The following BORCS7 variants were observed in gnomAD, a reference collection of about 807,000 sequenced individuals.
The protein encoded by BORCS7 is BLOC-1-related complex subunit 7.
Under a neutral mutation model 17.5 loss-of-function variants are expected in BORCS7, and 20 were observed. That is an observed-to-expected ratio of 1.14 (90% CI 0.80 to 1.66). The LOEUF is 1.66. Among genes scored for constraint, BORCS7 ranks in the 40% most tolerant of loss-of-function variants. The probability of loss-of-function intolerance (pLI) is 0.00; values close to 1 mark genes in which losing one functional copy is unlikely to be tolerated. For missense variants in BORCS7, 122 were observed against 129.7 expected (o/e 0.94, Z 0.29); for synonymous variants, 57 against 49.8 (o/e 1.14, Z -0.61).
chr10:102,857,436 G>C (rs1231539120), intron 1 of BORCS7, among the ~76,000 whole-genome samples: 1 of 152,108 alleles, frequency 6.6e-6, no homozygotes, highest in African/African-American at 2.4e-5. Context: ...ACCCTTAAAA[G>C]TAGCCACAGG....
chr10:102,861,111 C>A (rs947758652), intron 3 of BORCS7, among the ~76,000 whole-genome samples: 1 of 152,054 alleles, frequency 6.6e-6, no homozygotes, highest in Non-Finnish European at 1.5e-5. Context: ...TACTTATGTA[C>A]CTCTTAGAAA....
chr10:102,855,747 T>G (rs1844416427), intron 1 of BORCS7, among the ~76,000 whole-genome samples: 1 of 152,110 alleles, frequency 6.6e-6, no homozygotes, highest in Non-Finnish European at 1.5e-5. Context: ...AAAGGGTTAA[T>G]CTTTGTTTGT....
chr10:102,864,832 CGTCTAAGTTG>C lies in BORCS7; in HGVS notation c.*1909_*1918del, dbSNP rs1045781900. The C allele has an allele frequency of 6.6e-6, 1 of 151,834 alleles. No individual in the cohort carries two copies. The highest frequency in any genetic ancestry group is 1.5e-5 in the Non-Finnish European group (1 of 67,948). The allele number at this position is 151,834 out of a possible 1,614,324, so 9.4% of individuals were successfully genotyped here. ...ATGGAAAAAATACTTCACTAAATAA[CGTCTAAGTTG>C]TAGAGGTTGTGCCGGAAGATAATAT... On this transcript the variant is annotated 3_prime_UTR_variant, in exon 5 of 5. Transcript: ENST00000339834.
intron 1 of BORCS7, among the ~76,000 whole-genome samples, chr10:102,856,811 C>G (rs1844434293): frequency 6.6e-6 from 1 of 152,222 alleles, no homozygotes; most frequent in African/African-American, 2.4e-5. Context: ...AAAGCCTTGG[C>G]TTTACATTAC....
rs945217993 is a variant in BORCS7 at position 102,855,159 on chromosome 10, CT to C, written c.141+750del. 7.8e-3 allele frequency among the ~76,000 whole-genome samples: 1,019 copies of C among 130,740 alleles called. 8 individuals are homozygous for C. Among genetic ancestry groups the C allele is most frequent in the Middle Eastern group, 0.02 (5 of 250 alleles). 85.8% of individuals were successfully genotyped at this position (130,740 alleles called of 152,430 possible). On this transcript the variant is annotated intron_variant, in intron 1 of 4. Coordinates refer to ENST00000339834, the MANE Select transcript of BORCS7 (RefSeq NM_001136200.2). ...TGACTAATTGAAGGAAGTACTTTTCCTTTTTTTTTTTTTTTTTTGAGACGGA... is the reference window on the plus strand; with the variant it reads ...TGACTAATTGAAGGAAGTACTTTTCCTTTTTTTTTTTTTTTTTGAGACGGA...
rs557059362 is a variant in BORCS7, at chr10:102,858,849, G to A, written c.142-1483G>A. Among the ~76,000 whole-genome samples, 56 of 152,094 alleles carry A rather than the reference G, an allele frequency of 3.7e-4. 1 individual carries two copies. The South Asian group carries it at 0.01, about 28-fold the overall frequency. On this transcript the variant is annotated intron_variant, in intron 1 of 4. Transcript: ENST00000339834. ...GCAATCCTAGTTACTTTGAAGTCAC[G>A]CTACCCTTTTCACTAGAGTCTCCCT...
rs754589611 is a variant in BORCS7, at chr10:102,862,964, G to A, written c.*40G>A. ...GTGCTGTAGGACTCCTTTGCCTAAT[G>A]CTGAGGAGTAAATACCTTACACAGC... On this transcript the variant is annotated 3_prime_UTR_variant, in exon 5 of 5. Coordinates refer to ENST00000339834, the MANE Select transcript of BORCS7 (RefSeq NM_001136200.2). 3.3e-6 allele frequency: 5 copies of A among 1,505,138 alleles called. No homozygotes were observed. Among genetic ancestry groups the A allele is most frequent in the Admixed American group, 1.7e-5 (1 of 59,824 alleles). The allele number at this position is 1,505,138 out of a possible 1,614,324, so 93.2% of individuals were successfully genotyped here.
At chr10:102,854,486 C>G (rs1231314849) in intron 1 of BORCS7, 59 bp downstream of exon 1, 1 of 1,499,484 alleles carries the variant, frequency 6.7e-7, no homozygotes, top group Non-Finnish European at 9.0e-7. Context: ...TCTTTCGTTG[C>G]TGTGGGAAGG....
intron 1 of BORCS7, among the ~76,000 whole-genome samples, chr10:102,855,429 T>G (rs2134095131): frequency 6.6e-6 from 1 of 152,284 alleles, no homozygotes; most frequent in South Asian, 2.1e-4. Flanking sequence ...GTGCTGGGAT[T>G]ACAGGCGTGA....
intron 1 of BORCS7, among the ~76,000 whole-genome samples, chr10:102,857,972 G>A (rs1844454634): frequency 6.6e-6 from 1 of 151,856 alleles, no homozygotes; most frequent in Non-Finnish European, 1.5e-5. Context: ...AAACCAGCTT[G>A]GGCAACATGG....
chr10:102,857,735 G>A (rs1449278323), intron 1 of BORCS7, among the ~76,000 whole-genome samples: 1 of 152,194 alleles, frequency 6.6e-6, no homozygotes, highest in Non-Finnish European at 1.5e-5. Context: ...ACTGAATAAT[G>A]TTATGGTCAC....
intron 1 of BORCS7, among the ~76,000 whole-genome samples, chr10:102,856,748 C>G (rs1345399812): frequency 6.6e-6 from 1 of 152,194 alleles, no homozygotes; most frequent in Non-Finnish European, 1.5e-5. Flanking sequence ...TGTTATGTGT[C>G]TGGTCTGTTT....
chr10:102,857,445 G>C (rs563439809), intron 1 of BORCS7, among the ~76,000 whole-genome samples: 4 of 152,274 alleles, frequency 2.6e-5, no homozygotes, highest in African/African-American at 9.6e-5. Context: ...AGTAGCCACA[G>C]GAGGAACAGG....
chr10:102,860,473 A>G (rs1844499584), intron 2 of BORCS7, 25 bp from the exon 3 acceptor site: 3 of 1,611,182 alleles, frequency 1.9e-6, no homozygotes, highest in African/African-American at 2.7e-5. Flanking sequence ...GAAATGTTCT[A>G]TTTCTCTCTC....
chr10:102,858,172 AAAAAATAT>A (rs1844457939), intron 1 of BORCS7, among the ~76,000 whole-genome samples: 1 of 120,396 alleles, frequency 8.3e-6, no homozygotes, highest in African/African-American at 3.0e-5. Flanking sequence ...CTCAAAAAAA[AAAAAATAT>A]ATATATATAT....
chr10:102,854,733 A>G (rs1844396621), intron 1 of BORCS7, among the ~76,000 whole-genome samples: 1 of 151,746 alleles, frequency 6.6e-6, no homozygotes, highest in Non-Finnish European at 1.5e-5. Flanking sequence ...ACAATCATGG[A>G]GAAACCCCCG....
Position 102,858,605 on chromosome 10 carries a change from G to T in BORCS7, c.142-1727G>T, listed in dbSNP as rs188626210. On this transcript the variant is annotated intron_variant, in intron 1 of 4. Transcript: ENST00000339834. ...GCGGAGGTTGCAGTGAGCCAAGATC[G>T]CATCACTGCACTCCAGCCTGGGTGA... 2.7e-4 allele frequency among the ~76,000 whole-genome samples: 41 copies of T among 152,088 alleles called. No individual in the cohort carries two copies. The East Asian group carries it at 7.5e-3, about 28-fold the overall frequency.
chr10:102,862,210 G>C (rs200985701), intron 4 of BORCS7, 30 bp downstream of exon 4: 1 of 1,596,250 alleles, frequency 6.3e-7, no homozygotes, highest in East Asian at 2.2e-5. Context: ...GAGGAGTAGG[G>C]AACCAACTGA....
At chr10:102,862,034 T>C (rs1844529403) in intron 3 of BORCS7, 126 bp from the exon 4 acceptor site, 1 of 883,124 alleles carries the variant, frequency 1.1e-6, no homozygotes, top group African/African-American at 1.7e-5. Flanking sequence ...AATCTTAGGA[T>C]AGGATGGACA....
Sources: allele counts gnomAD v4.1 joint callset (sites outside exome capture counted in the v4.1 genomes callset), GRCh38; gene constraint gnomAD v4.1.1; transcripts MANE v1.5; gene names NCBI Gene and HGNC (gene_info 2026-07-23, HGNC 2026-07-21).